PDE8B: variants seen among roughly 807,000 people sequenced by gnomAD.
PDE8B encodes high affinity cAMP-specific and IBMX-insensitive 3',5'-cyclic phosphodiesterase 8B.
Under a neutral mutation model 101.3 loss-of-function variants are expected in PDE8B, and 26 were observed. The ratio of observed to expected loss-of-function variants is 0.26; its 90% CI spans 0.19 to 0.36. The LOEUF (loss-of-function observed/expected upper bound fraction) is 0.36. Among genes scored for constraint, PDE8B ranks in the 10% least tolerant of loss-of-function variants. The pLI, the probability that PDE8B is intolerant of heterozygous loss-of-function variation, is 1.00. For missense variants in PDE8B, 810 were observed against 1,163.1 expected, an observed-to-expected ratio of 0.70 and a Z score of 4.42; for synonymous variants, 424 against 429.3, an observed-to-expected ratio of 0.99 and a Z score of 0.15.
At chr5:77,370,828 A>C (rs1784962519) in intron 10 of PDE8B, among the ~76,000 whole-genome samples, 1 of 152,230 alleles carries the variant, frequency 6.6e-6, no homozygotes, top group South Asian at 2.1e-4. Context: ...TTGGTTTGCC[A>C]GTCTTTACAA....
chr5:77,340,562 G>A lies in PDE8B; in HGVS notation c.797+3247G>A, dbSNP rs554980136. Reference sequence around the variant, plus strand: ...CAGAATCTTTTCCCTACAAGCCACCGCCTTGCCCAGTCCTACCCTTGTTCC... The same window carrying A: ...CAGAATCTTTTCCCTACAAGCCACCACCTTGCCCAGTCCTACCCTTGTTCC... On this transcript the variant is annotated intron_variant, in intron 6 of 21. Transcript: ENST00000264917. Among the ~76,000 whole-genome samples the A allele has an allele frequency of 6.6e-5, 10 of 151,560 alleles. No homozygotes were observed. In the South Asian group the frequency reaches 1.5e-3, roughly 22 times the overall value.
upstream of PDE8B, among the ~76,000 whole-genome samples, chr5:77,209,360 A>T (rs985662738): frequency 6.6e-6 from 1 of 152,116 alleles, no homozygotes; most frequent in Non-Finnish European, 1.5e-5. Flanking sequence ...AAAAAGGAAA[A>T]TAAGAATGAA....
intron 14 of PDE8B, 57 bp downstream of exon 14, chr5:77,409,114 C>A: frequency 6.9e-7 from 1 of 1,457,212 alleles, no homozygotes; most frequent in Non-Finnish European, 9.6e-7. Context: ...CTCTAGAGTG[C>A]AGCTGATGTG....
chr5:77,343,371 G>A (rs1197161738), intron 6 of PDE8B, among the ~76,000 whole-genome samples: 2 of 152,192 alleles, frequency 1.3e-5, no homozygotes, highest in Non-Finnish European at 2.9e-5. Context: ...CTTAGGCTAC[G>A]TGGTACAGCC....
intron 2 of PDE8B, among the ~76,000 whole-genome samples, chr5:77,324,472 G>T (rs1264465204): frequency 6.6e-6 from 1 of 152,188 alleles, no homozygotes. Flanking sequence ...GGTAGTCTGT[G>T]TCTTTCTGGC....
chr5:77,154,264 A>T, the PDE8B span, among the ~76,000 whole-genome samples: 1 of 152,218 alleles, frequency 6.6e-6, no homozygotes, highest in Non-Finnish European at 1.5e-5. Flanking sequence ...GATTATCACT[A>T]TCTGAAATGC....
rs557423415 is a variant in PDE8B, at chr5:77,425,528, G to T, written c.2419-239G>T. ...AGACTGCACCACTGTACTACAGCTTGGGCAACAGAGTGAGACACTGTCTCA... is the reference window on the plus strand; with the variant it reads ...AGACTGCACCACTGTACTACAGCTTTGGCAACAGAGTGAGACACTGTCTCA... On this transcript the variant is annotated intron_variant, in intron 20 of 21. Coordinates refer to ENST00000264917, the MANE Select transcript of PDE8B (RefSeq NM_003719.5). 2.0e-5 allele frequency among the ~76,000 whole-genome samples: 3 copies of T among 152,284 alleles called. No homozygotes were observed. The East Asian group carries it at 5.8e-4, about 29-fold the overall frequency.
the PDE8B span, among the ~76,000 whole-genome samples, chr5:77,097,707 C>G: frequency 4.8e-5 from 1 of 20,950 alleles, no homozygotes; most frequent in Non-Finnish European, 1.1e-4. Flanking sequence ...ATATATATAT[C>G]TATATATATA....
chr5:77,405,692 A>G (rs1461462086), intron 12 of PDE8B, among the ~76,000 whole-genome samples: 1 of 152,148 alleles, frequency 6.6e-6, no homozygotes, highest in Non-Finnish European at 1.5e-5. Flanking sequence ...GCTGGGGGTG[A>G]CCATGAGAGT....
At position 77,212,019 on chromosome 5, in the gene PDE8B, G is replaced by A. The variant is rs367739857; in HGVS notation, c.339+755G>A. Among the ~76,000 whole-genome samples the A allele has an allele frequency of 2.6e-5, 4 of 152,256 alleles. No homozygotes were observed. In the East Asian group the frequency reaches 7.7e-4, roughly 29 times the overall value. On this transcript the variant is annotated intron_variant, in intron 1 of 21. Coordinates refer to ENST00000264917, the MANE Select transcript of PDE8B (RefSeq NM_003719.5). Reference sequence around the variant, plus strand: ...ATCTTCCCAGAGAGTGGGATTTTGAGGAAGTGGAAAAAATTGTTTAGATGG... The same window carrying A: ...ATCTTCCCAGAGAGTGGGATTTTGAAGAAGTGGAAAAAATTGTTTAGATGG...
chr5:77,258,617 C>G (rs1759712034), intron 1 of PDE8B, among the ~76,000 whole-genome samples: 2 of 152,186 alleles, frequency 1.3e-5, no homozygotes, highest in African/African-American at 4.8e-5. Context: ...ATATGTATTC[C>G]TCCCATCCCT....
the PDE8B span, among the ~76,000 whole-genome samples, chr5:77,122,779 G>A: frequency 6.6e-6 from 1 of 152,178 alleles, no homozygotes; most frequent in Non-Finnish European, 1.5e-5. Context: ...GAGTAAGCCA[G>A]CCTGCAATTA....
At chr5:77,126,480 C>T in the PDE8B span, among the ~76,000 whole-genome samples, 1 of 152,130 alleles carries the variant, frequency 6.6e-6, no homozygotes, top group South Asian at 2.1e-4. Context: ...GGCTGGAGTG[C>T]AGTGGCACAA....
chr5:77,104,464 T>C, the PDE8B span: 1 of 152,196 alleles, frequency 6.6e-6, no homozygotes, highest in Admixed American at 6.5e-5. Context: ...TTAAGGCCTT[T>C]ATAAAAGAGG....
intron 7 of PDE8B, among the ~76,000 whole-genome samples, chr5:77,345,591 C>A (rs1779995609): frequency 6.6e-6 from 1 of 152,206 alleles, no homozygotes; most frequent in South Asian, 2.1e-4. Context: ...TGTTTACCTG[C>A]AGTGGGTATC....
At chr5:77,266,412 G>GC (rs1561440894) in intron 1 of PDE8B, among the ~76,000 whole-genome samples, 3 of 152,028 alleles carry the variant, frequency 2.0e-5, no homozygotes, top group Non-Finnish European at 2.9e-5. Context: ...GCTTAAAATG[G>GC]CCCCCCAGCC....
chr5:77,175,470 G>T, the PDE8B span, among the ~76,000 whole-genome samples: 533 of 152,214 alleles, frequency 3.5e-3, 6 homozygotes, highest in Non-Finnish European at 2.2e-3. Flanking sequence ...AGCTCCCTTG[G>T]GATGATTCAT....
intron 6 of PDE8B, among the ~76,000 whole-genome samples, chr5:77,342,658 C>T (rs1290893776): frequency 6.6e-6 from 1 of 151,940 alleles, no homozygotes; most frequent in African/African-American, 2.4e-5. Context: ...CTGTGTTGGA[C>T]AGTAAATAGC....
chr5:77,308,452 G>A (rs1464162801), intron 1 of PDE8B, among the ~76,000 whole-genome samples: 1 of 152,114 alleles, frequency 6.6e-6, no homozygotes, highest in Non-Finnish European at 1.5e-5. Context: ...GCAGGGGTTT[G>A]GAGAATGTCC....
Sources: gnomAD v4.1 joint callset for allele counts (sites outside exome capture counted in the v4.1 genomes callset) on GRCh38, gnomAD v4.1.1 for gene constraint, MANE v1.5 for transcripts, NCBI Gene and HGNC (gene_info 2026-07-23, HGNC 2026-07-21) for gene names.